Variants in SLCO4A1 observed in about 807,000 individuals in gnomAD.
The protein encoded by SLCO4A1 is solute carrier organic anion transporter family member 4A1, also known as colon organic anion transporter.
SLCO4A1 carries 51 observed loss-of-function variants against 64.6 expected under a neutral mutation model. The ratio of observed to expected loss-of-function variants is 0.79; its 90% CI spans 0.63 to 1.00. The LOEUF is 1.00. Ranked by LOEUF, SLCO4A1 falls within the 50% of genes least tolerant of loss-of-function variation. SLCO4A1 has a pLI of 0.00. For synonymous variants in SLCO4A1, 471 were observed against 444.9 expected, an observed-to-expected ratio of 1.06 and a Z score of -0.74; for missense variants, 919 against 980.5, an observed-to-expected ratio of 0.94 and a Z score of 0.84.
chr20:62,664,841 C>T (rs944314941), intron 5 of SLCO4A1, 93 bp from the exon 6 acceptor site: 4 of 1,358,378 alleles, frequency 2.9e-6, no homozygotes, highest in Non-Finnish European at 3.0e-6. Context: ...GACCTCTGCC[C>T]ACCACTCTGA....
chr20:62,658,758 TG>T lies in SLCO4A1; in HGVS notation c.881del (p.Gly294AlafsTer6). ...GCCCTGCTGAATATCTACACGGAAA[TG>T]GGCCGACGGTGAGTGGCCGCGCACC... is the stretch of plus-strand genomic sequence containing the variant. ...GGALLNIYTEMGRRTELTTES... is the reference protein window; with the variant it reads ...GGALLNIYTEXGRRTELTTES... On this transcript the variant is annotated frameshift_variant, in exon 3 of 12. Transcript: ENST00000217159. LOFTEE classifies it high-confidence loss of function. The T allele has an allele frequency of 1.9e-6, 3 of 1,609,366 alleles. No homozygotes were observed. The highest frequency in any genetic ancestry group is 2.5e-6 in the Non-Finnish European group (3 of 1,178,366).
At position 62,661,103 on chromosome 20, in the gene SLCO4A1, A is replaced by G; in HGVS notation, c.1049A>G (p.His350Arg). The G allele has an allele frequency of 1.4e-6, 2 of 1,396,498 alleles. No individual in the cohort carries two copies. Among genetic ancestry groups the G allele is most frequent in the East Asian group, 4.1e-5 (1 of 24,350 alleles). The allele number at this position is 1,396,498 out of a possible 1,614,324, so 86.5% of individuals were successfully genotyped here. The change falls in exon 5 of 12, where the codon CAC becomes CGC. Residue 350 changes from histidine to arginine, a missense_variant. His to Arg is a conservative substitution (Grantham distance 29, BLOSUM62 0). Transcript: ENST00000217159. The surrounding 1 kb of genome is among the most constrained non-coding windows in gnomAD (Gnocchi z 5.2). ...RYAVMRAAEM[H>R]QLKDSSRGEA... ...GCGGTCATGAGAGCGGCGGAAATGC[A>G]CCAGTTGAAGGACAGCAGCCGTGGG... is the stretch of plus-strand genomic sequence containing the variant.
At chr20:62,663,215 G>A (rs1354210255) in intron 5 of SLCO4A1, 1 of 152,182 alleles carries the variant, frequency 6.6e-6, no homozygotes, top group Non-Finnish European at 1.5e-5. Context: ...GGCCTGTTGG[G>A]GCTCAGAGGC....
rs1426154109 is a variant in SLCO4A1 at position 62,644,525 on chromosome 20, C to G, written c.-97+1972C>G. On this transcript the variant is annotated intron_variant, in intron 1 of 11. Transcript: ENST00000217159. The surrounding 1 kb of genome is among the most constrained non-coding windows in gnomAD (Gnocchi z 5.4). Reference sequence around the variant, plus strand: ...GGATGGACATGCTCTCCTTGCTAGACTAAGCCCAGAGAGGCCGGCTCTCCT... The same window carrying G: ...GGATGGACATGCTCTCCTTGCTAGAGTAAGCCCAGAGAGGCCGGCTCTCCT... Among the ~76,000 whole-genome samples the G allele has an allele frequency of 6.6e-6, 1 of 152,248 alleles. No homozygotes were observed. The highest frequency in any genetic ancestry group is 1.9e-4 in the East Asian group (1 of 5,202).
intron 1 of SLCO4A1, chr20:62,643,099 A>G (rs1215810989): frequency 6.6e-6 from 3 of 457,638 alleles, no homozygotes; most frequent in East Asian, 7.4e-5. Flanking sequence ...TTCGCGCCAG[A>G]GGCGCTCGAG....
downstream of SLCO4A1, among the ~76,000 whole-genome samples, chr20:62,688,720 G>A (rs1373575716): frequency 6.6e-6 from 1 of 152,184 alleles, no homozygotes; most frequent in African/African-American, 2.4e-5. Flanking sequence ...CCTGACTTGG[G>A]TTGTGTCCAG....
chr20:62,657,152 G>A lies in SLCO4A1; in HGVS notation c.698G>A (p.Gly233Asp). The A allele has an allele frequency of 2.6e-6, 4 of 1,561,086 alleles. No individual in the cohort carries two copies. Among genetic ancestry groups the A allele is most frequent in the Non-Finnish European group, 2.6e-6 (3 of 1,153,876 alleles). Residue 233 changes from glycine (G) to aspartate (D), a missense_variant, in exon 2 of 12, where the codon GGC (glycine) becomes GAC (aspartate). Coordinates refer to ENST00000217159, the MANE Select transcript of SLCO4A1 (RefSeq NM_016354.4). ...CGCTACCAGCTGGTCTTCATGCTGG[G>A]CCAGTTCCTGCATGGCGTGGGTGCC... The part of the protein sequence containing the change: ...LSRYQLVFML[G>D]QFLHGVGATP...
intron 2 of SLCO4A1, among the ~76,000 whole-genome samples, chr20:62,678,222 G>A (rs1281043533): frequency 1.3e-5 from 2 of 152,172 alleles, no homozygotes; most frequent in Admixed American, 1.3e-4. Flanking sequence ...TGCATAAGAA[G>A]GAGAAGAGAG....
At chr20:62,652,224 G>C (rs989063576) in intron 1 of SLCO4A1, 1 of 152,210 alleles carries the variant, frequency 6.6e-6, no homozygotes, top group East Asian at 1.9e-4. Context: ...ATGTGTGTGC[G>C]TGTGCACGTG....
chr20:62,671,436 C>T (rs928909273), intron 11 of SLCO4A1, among the ~76,000 whole-genome samples: 37 of 152,232 alleles, frequency 2.4e-4, no homozygotes, highest in African/African-American at 8.2e-4. Flanking sequence ...TCCTTAATTA[C>T]ATCTGCAAAG....
In SLCO4A1 at chr20:62,661,202, TAGTGTCCTCAG is replaced by T; in HGVS notation, c.1121+29_1121+39del. On this transcript the variant is annotated intron_variant, in intron 5 of 11. Coordinates refer to ENST00000217159, the MANE Select transcript of SLCO4A1 (RefSeq NM_016354.4). The surrounding 1 kb of genome is among the most constrained non-coding windows in gnomAD (Gnocchi z 5.2). ...TAAGGACCGGAGTCGGGAGGGTTCC[TAGTGTCCTCAG>T]ACCCTTTAATGGTCCCCATCTTGGG... 1 of 1,520,154 alleles carries T rather than the reference TAGTGTCCTCAG, an allele frequency of 6.6e-7. No homozygotes were observed. Among genetic ancestry groups the T allele is most frequent in the South Asian group, 1.1e-5 (1 of 89,220 alleles). 94.2% of individuals were successfully genotyped at this position (1,520,154 alleles called of 1,614,324 possible).
At chr20:62,670,942 C>T (rs1049531640) in intron 11 of SLCO4A1, among the ~76,000 whole-genome samples, 14 of 152,268 alleles carry the variant, frequency 9.2e-5, no homozygotes, top group East Asian at 5.8e-4. Flanking sequence ...TTCTGGTCCA[C>T]GCCCAGCGTG....
chr20:62,668,239 G>A (rs1986732864), intron 9 of SLCO4A1, 55 bp downstream of exon 9: 1 of 1,589,908 alleles, frequency 6.3e-7, no homozygotes, highest in East Asian at 2.2e-5. Context: ...GCACCCTGAG[G>A]CGGAGCTCTG....
intron 1 of SLCO4A1, among the ~76,000 whole-genome samples, chr20:62,643,861 C>T (rs564314646): frequency 6.6e-6 from 1 of 152,284 alleles, no homozygotes; most frequent in South Asian, 2.1e-4. Flanking sequence ...TCATTCAGTC[C>T]CTAGCAACCC....
intron 10 of SLCO4A1, 69 bp downstream of exon 10, chr20:62,668,610 T>A: frequency 7.1e-7 from 1 of 1,408,264 alleles, no homozygotes; most frequent in South Asian, 1.1e-5. Context: ...CATGGGCAAG[T>A]GTCTAACCAC....
At position 62,668,146 on chromosome 20, in the gene SLCO4A1, A is replaced by G. The variant is rs758975038; in HGVS notation, c.1773A>G (p.Thr591=). ...LVFIFVVIFF[T]FLSSIPALTA... Reference sequence around the variant, plus strand: ...TCATATTCGTTGTAATTTTCTTTACATTCCTCAGCAGCATTCCTGCACTAA... The same window carrying G: ...TCATATTCGTTGTAATTTTCTTTACGTTCCTCAGCAGCATTCCTGCACTAA... The change falls in exon 9 of 12, where the codon ACA becomes ACG. Residue 591 remains threonine, a synonymous_variant. Coordinates refer to ENST00000217159, the MANE Select transcript of SLCO4A1 (RefSeq NM_016354.4). 14 of 1,614,020 alleles carry G rather than the reference A, an allele frequency of 8.7e-6. No homozygotes were observed. Among genetic ancestry groups the G allele is most frequent in the Non-Finnish European group, 1.1e-5 (13 of 1,180,044 alleles).
At chr20:62,670,933 T>C (rs1987124518) in intron 11 of SLCO4A1, among the ~76,000 whole-genome samples, 2 of 152,222 alleles carry the variant, frequency 1.3e-5, no homozygotes, top group South Asian at 4.1e-4. Flanking sequence ...AGTGGGTGTT[T>C]CTGGTCCACG....
chr20:62,643,502 T>C (rs1038711974), intron 1 of SLCO4A1, among the ~76,000 whole-genome samples: 6 of 152,234 alleles, frequency 3.9e-5, no homozygotes, highest in African/African-American at 1.4e-4. Flanking sequence ...TGCAAGGCCC[T>C]CTTTGGAGCT....
At chr20:62,660,333 C>T in intron 3 of SLCO4A1, 79 bp from the exon 4 acceptor site, 1 of 1,532,032 alleles carries the variant, frequency 6.5e-7, no homozygotes, top group South Asian at 1.2e-5. Flanking sequence ...GGAGGAGGGG[C>T]CAGCAGCCCC....
Sources: gnomAD v4.1 joint callset for allele counts (sites outside exome capture counted in the v4.1 genomes callset) on GRCh38, gnomAD v4.1.1 for gene constraint, Gnocchi (gnomAD v3.1) non-coding constraint, MANE v1.5 for transcripts, NCBI Gene and HGNC (gene_info 2026-07-23, HGNC 2026-07-21) for gene names.